Variants in FRK observed in about 807,000 individuals in gnomAD.
FRK encodes the protein tyrosine-protein kinase FRK.
In FRK, 51 loss-of-function variants were observed where a neutral mutation model predicts 56.4. The observed-to-expected ratio is 0.90, with a 90% CI of 0.72 to 1.14. The LOEUF (loss-of-function observed/expected upper bound fraction) is 1.14, where lower values mean the gene tolerates loss of function less well. FRK is among the 50% of genes most tolerant of loss of function. FRK has a pLI of 0.00. For synonymous variants in FRK, 245 were observed against 217.9 expected (o/e 1.12, Z -1.10); for missense variants, 570 against 601.4 (o/e 0.95, Z 0.55).
chr6:116,085,444 C>A, the FRK span, among the ~76,000 whole-genome samples: 6 of 152,100 alleles, frequency 3.9e-5, no homozygotes. Flanking sequence ...ATGTATTATG[C>A]ATAAATGACT....
the FRK span, among the ~76,000 whole-genome samples, chr6:116,083,215 T>C: frequency 9.8e-5 from 15 of 152,356 alleles, no homozygotes; most frequent in African/African-American, 3.6e-4. Context: ...TCAGTGACTC[T>C]ACAGTTTTTG....
At position 116,060,051 on chromosome 6, in the gene FRK, T is replaced by C; in HGVS notation, c.261A>G (p.Lys87=). 6.2e-7 allele frequency: 1 copy of C among 1,614,168 alleles called. No homozygotes were observed. ...GTTGCTGACTGGAGCCATCTCGTCT[T>C]TTCTCCAAGTGTCTGGCAAACCACC... ...EGWWFARHLE[K]RRDGSSQQLQ... Residue 87 remains lysine, a synonymous_variant, in exon 1 of 8, where the codon AAA becomes AAG. Transcript: ENST00000606080.
chr6:115,942,653 C>CA (rs760441553), intron 7 of FRK, 28 bp from the exon 8 acceptor site: 675 of 1,553,054 alleles, frequency 4.3e-4, no homozygotes, highest in Admixed American at 3.4e-3. Context: ...AAACCAACAA[C>CA]AACAAAAAAA....
the FRK span, among the ~76,000 whole-genome samples, chr6:116,069,327 C>T: frequency 3.9e-5 from 6 of 152,172 alleles, no homozygotes; most frequent in Admixed American, 6.5e-5. Flanking sequence ...TGTAGTATGA[C>T]GGCATAGTTC....
chr6:115,957,272 G>C (rs1044747835), intron 4 of FRK, among the ~76,000 whole-genome samples: 4 of 152,152 alleles, frequency 2.6e-5, no homozygotes, highest in Non-Finnish European at 5.9e-5. Context: ...CAATATTAAG[G>C]CCTATTTAGA....
the FRK span, among the ~76,000 whole-genome samples, chr6:116,091,899 C>A: frequency 1.3e-5 from 2 of 152,128 alleles, no homozygotes; most frequent in Non-Finnish European, 2.9e-5. Context: ...AGTTGGTTGA[C>A]CCTGTAGCCA....
intron 2 of FRK, among the ~76,000 whole-genome samples, chr6:115,989,728 A>C (rs1001045954): frequency 6.6e-6 from 1 of 151,956 alleles, no homozygotes; most frequent in Non-Finnish European, 1.5e-5. Context: ...GCTATTGTGC[A>C]TACTGCTGCA....
chr6:115,958,571 T>C (rs1270173898), intron 4 of FRK, among the ~76,000 whole-genome samples: 1 of 149,688 alleles, frequency 6.7e-6, no homozygotes, highest in Admixed American at 6.7e-5. Flanking sequence ...GAGGTTACAG[T>C]GAGCTGAGAT....
chr6:115,969,262 A>G (rs573121727), intron 2 of FRK, among the ~76,000 whole-genome samples: 1 of 152,154 alleles, frequency 6.6e-6, no homozygotes, highest in Non-Finnish European at 1.5e-5. Context: ...TGTTCATTAT[A>G]TTGTACCTCA....
chr6:116,077,699 CTTCT>C, the FRK span, among the ~76,000 whole-genome samples: 1 of 152,166 alleles, frequency 6.6e-6, no homozygotes, highest in Admixed American at 6.5e-5. Flanking sequence ...AAAGCTTGTG[CTTCT>C]TTCTTTCAGA....
intron 5 of FRK, among the ~76,000 whole-genome samples, chr6:115,945,713 G>A (rs929381739): frequency 1.4e-4 from 21 of 152,014 alleles, no homozygotes; most frequent in African/African-American, 4.6e-4. Context: ...TATAAAGTAT[G>A]AATATTACAT....
At chr6:116,016,983 AT>A (rs1775682002) in intron 1 of FRK, among the ~76,000 whole-genome samples, 1 of 152,196 alleles carries the variant, frequency 6.6e-6, no homozygotes, top group African/African-American at 2.4e-5. Flanking sequence ...TCAACAAACT[AT>A]TTGTCAGGAA....
At chr6:116,053,434 T>G (rs1391798441) in intron 1 of FRK, among the ~76,000 whole-genome samples, 1 of 152,194 alleles carries the variant, frequency 6.6e-6, no homozygotes, top group East Asian at 1.9e-4. Flanking sequence ...AATTTAGTCC[T>G]GCTTTACTGT....
chr6:115,951,076 G>C (rs1360964290), intron 5 of FRK, among the ~76,000 whole-genome samples: 1 of 152,042 alleles, frequency 6.6e-6, no homozygotes, highest in African/African-American at 2.4e-5. Flanking sequence ...GTAGATGACA[G>C]GTTGATGGGA....
intron 1 of FRK, among the ~76,000 whole-genome samples, chr6:116,017,433 A>G (rs1775698066): frequency 6.6e-6 from 1 of 152,064 alleles, no homozygotes; most frequent in Admixed American, 6.6e-5. Context: ...CAATTTTTCT[A>G]CATCGCTTTT....
At chr6:115,974,017 C>A (rs1037998550) in intron 2 of FRK, among the ~76,000 whole-genome samples, 2 of 152,096 alleles carry the variant, frequency 1.3e-5, no homozygotes, top group Non-Finnish European at 2.9e-5. Flanking sequence ...TACATAAATT[C>A]TTGGCCTACA....
intron 5 of FRK, among the ~76,000 whole-genome samples, chr6:115,949,635 T>A (rs1466683732): frequency 6.6e-6 from 1 of 152,160 alleles, no homozygotes; most frequent in Non-Finnish European, 1.5e-5. Flanking sequence ...TCAATGCTAT[T>A]CTCATCAAGC....
At chr6:116,087,983 G>A in the FRK span, among the ~76,000 whole-genome samples, 2 of 152,194 alleles carry the variant, frequency 1.3e-5, no homozygotes, top group East Asian at 1.9e-4. Context: ...CCTGAAAGTT[G>A]GTGAGTGGAT....
chr6:116,090,711 G>A, the FRK span, among the ~76,000 whole-genome samples: 3 of 152,122 alleles, frequency 2.0e-5, no homozygotes, highest in Admixed American at 2.0e-4. Flanking sequence ...CCTCTCAATA[G>A]TATGTTAGCC....
Sources: gnomAD v4.1 joint callset for allele counts (sites outside exome capture counted in the v4.1 genomes callset) on GRCh38, gnomAD v4.1.1 for gene constraint, MANE v1.5 for transcripts, NCBI Gene and HGNC (gene_info 2026-07-23, HGNC 2026-07-21) for gene names.